Variants in KDR observed in about 807,000 individuals in gnomAD.
The protein encoded by KDR is vascular endothelial growth factor receptor 2.
In KDR, 43 loss-of-function variants were observed where a neutral mutation model predicts 160.9. That is an observed-to-expected ratio of 0.27 (90% CI 0.21 to 0.34). KDR has a LOEUF of 0.34. KDR is among the 10% of genes least tolerant of loss of function. KDR has a pLI of 1.00. For missense variants in KDR, 1,469 were observed against 1,666.4 expected (o/e 0.88, Z 2.06); for synonymous variants, 617 against 600.1 (o/e 1.03, Z -0.41).
At chr4:55,124,553 A>C (rs1197278961) in intron 1 of KDR, among the ~76,000 whole-genome samples, 1 of 152,184 alleles carries the variant, frequency 6.6e-6, no homozygotes, top group South Asian at 2.1e-4. Context: ...TACGCAGGAC[A>C]GTTGGCTGTT....
At chr4:55,102,251 G>A (rs535767165) in intron 14 of KDR, 111 bp downstream of exon 14, 26 of 1,365,108 alleles carry the variant, frequency 1.9e-5, no homozygotes, top group East Asian at 9.2e-5. Flanking sequence ...GCCAGGTCAT[G>A]GACACCAATA....
Position 55,089,803 on chromosome 4 carries a change from C to T in KDR, c.3193-1G>A, listed in dbSNP as rs779170295. Reference sequence around the variant, plus strand: ...CCATCCATTTCAAAGGGAGGCGAGCCTACAGGGGTAGAAGACAAGGATTCA... The same window carrying T: ...CCATCCATTTCAAAGGGAGGCGAGCTTACAGGGGTAGAAGACAAGGATTCA... On this transcript the variant is annotated splice_acceptor_variant, in intron 23 of 29. Transcript: ENST00000263923. LOFTEE classifies it high-confidence loss of function. 1 of 1,613,616 alleles carries T rather than the reference C, an allele frequency of 6.2e-7. No individual in the cohort carries two copies.
At chr4:55,110,900 C>A (rs1200833232) in intron 7 of KDR, 132 bp from the exon 8 acceptor site, 2 of 711,100 alleles carry the variant, frequency 2.8e-6, no homozygotes, top group Non-Finnish European at 4.8e-6. Flanking sequence ...CCTGTACTAT[C>A]TTTCAGTGGG....
At chr4:55,112,479 T>C (rs1218040359) in intron 7 of KDR, among the ~76,000 whole-genome samples, 1 of 151,890 alleles carries the variant, frequency 6.6e-6, no homozygotes, top group East Asian at 1.9e-4. Flanking sequence ...CAGTCAACAG[T>C]AGGCCATTAG....
intron 27 of KDR, among the ~76,000 whole-genome samples, chr4:55,083,555 C>G (rs1189758136): frequency 6.6e-6 from 1 of 152,120 alleles, no homozygotes; most frequent in African/African-American, 2.4e-5. Context: ...CTTGAGAATG[C>G]TCCTTCCCGG....
Position 55,124,324 on chromosome 4 carries a change from TGAGA to T in KDR, c.67+899_67+902del, listed in dbSNP as rs1432868669. On this transcript the variant is annotated intron_variant, in intron 1 of 29. Transcript: ENST00000263923. ...AGGAAAGAAATATTATCTAAGGGGT[TGAGA>T]GAGAAAGGAAAGTGAGGAAGAAAAG... Among the ~76,000 whole-genome samples the T allele has an allele frequency of 6.6e-5, 10 of 151,954 alleles. No individual in the cohort carries two copies. In the East Asian group the frequency reaches 7.8e-4, roughly 12 times the overall value.
intron 24 of KDR, 106 bp downstream of exon 24, chr4:55,089,585 G>A: frequency 7.5e-7 from 1 of 1,332,694 alleles, no homozygotes; most frequent in South Asian, 1.2e-5. Flanking sequence ...TTTTTTCAAA[G>A]CTTCCGAGAA....
In KDR at chr4:55,113,472, T is replaced by C. The variant is rs954623491; in HGVS notation, c.808A>G (p.Lys270Glu). ...TTTAGGTCTCGGTTTACAAGTTTCT[T>C]ATGCTGATGCTGAAAAAAAGAGTTG... ...WEYPSSKHQH[K>E]KLVNRDLKTQ... The change falls in exon 7 of 30, where the codon AAG becomes GAG. Residue 270 changes from lysine (K) to glutamate (E), a missense_variant. By Grantham distance (56) the Lys-to-Glu change is moderately conservative. This residue lies in a region of KDR where 792 missense variants were observed against 840.9 expected (regional missense o/e 0.94). Transcript: ENST00000263923. The C allele has an allele frequency of 1.9e-6, 3 of 1,613,870 alleles. No homozygotes were observed. The African/African-American group carries it at 4.0e-5, about 22-fold the overall frequency.
At chr4:55,108,883 T>C (rs1052467996) in intron 9 of KDR, among the ~76,000 whole-genome samples, 1 of 152,200 alleles carries the variant, frequency 6.6e-6, no homozygotes, top group African/African-American at 2.4e-5. Flanking sequence ...CTTTTTTATG[T>C]TTATTTCATA....
chr4:55,124,362 C>T (rs1470124986), intron 1 of KDR, among the ~76,000 whole-genome samples: 1 of 152,092 alleles, frequency 6.6e-6, no homozygotes, highest in African/African-American at 2.4e-5. Context: ...AGACAGACAG[C>T]TATTGCATGA....
intron 1 of KDR, 122 bp downstream of exon 1, chr4:55,125,105 T>C: frequency 1.1e-6 from 1 of 928,328 alleles, no homozygotes; most frequent in Non-Finnish European, 1.7e-6. Flanking sequence ...AAATGAAAGA[T>C]CGCAAAATGT....
chr4:55,121,567 T>C (rs532228726), intron 1 of KDR, among the ~76,000 whole-genome samples: 1 of 152,244 alleles, frequency 6.6e-6, no homozygotes, highest in Admixed American at 6.5e-5. Flanking sequence ...ACATAGGATG[T>C]ACACATTTGA....
Position 55,096,229 on chromosome 4 carries a change from C to T in KDR, c.2728G>A (p.Gly910Arg). 1.3e-6 allele frequency: 2 copies of T among 1,596,454 alleles called. No homozygotes were observed. Among genetic ancestry groups the T allele is most frequent in the Non-Finnish European group, 1.7e-6 (2 of 1,164,650 alleles). Residue 910 changes from glycine to arginine, a missense_variant and splice_region_variant, in exon 19 of 30, where the codon GGG becomes AGG. Transcript: ENST00000263923. The part of the protein sequence containing the change: ...NLLGACTKPG[G>R]PLMVIVEFCK... Reference sequence around the variant, plus strand: ...ACCAAAACCACCCACAGTTACTCACCTCCTGGCTTGGTACAGGCACCTAGA... The same window carrying T: ...ACCAAAACCACCCACAGTTACTCACTTCCTGGCTTGGTACAGGCACCTAGA...
chr4:55,108,041 AGACCTGAGTTCTAGTGATACT>A lies in KDR; in HGVS notation c.1256-169_1256-149del. On this transcript the variant is annotated intron_variant, in intron 9 of 29. Coordinates refer to ENST00000263923, the MANE Select transcript of KDR (RefSeq NM_002253.4). Reference sequence around the variant, plus strand: ...AAGAACACCTAGATGTGGAAACAAGAGACCTGAGTTCTAGTGATACTCATAAAAATAACAACTAGCCAGGCA... The same window carrying A: ...AAGAACACCTAGATGTGGAAACAAGACATAAAAATAACAACTAGCCAGGCA... The A allele has an allele frequency of 3.7e-6, 3 of 816,134 alleles. No individual in the cohort carries two copies. In the South Asian group the frequency reaches 4.6e-5, roughly 12 times the overall value. The allele number at this position is 816,134 out of a possible 1,614,324, so 50.6% of individuals were successfully genotyped here.
Position 55,125,370 on chromosome 4 carries a change from G to T in KDR, c.-77C>A. 6.6e-7 allele frequency: 1 copy of T among 1,514,946 alleles called. No individual in the cohort carries two copies. The allele number at this position is 1,514,946 out of a possible 1,614,324, so 93.8% of individuals were successfully genotyped here. On this transcript the variant is annotated 5_prime_UTR_variant, in exon 1 of 30. Transcript: ENST00000263923. ...TCCCAGCGCCTGTCTAGAGAAGGAG[G>T]CGCGGAGGTGGAACTCGCGGCACCC...
chr4:55,078,914 G>C lies in KDR; in HGVS notation c.*1027C>G, dbSNP rs1451279775. On this transcript the variant is annotated 3_prime_UTR_variant, in exon 30 of 30. Coordinates refer to ENST00000263923, the MANE Select transcript of KDR (RefSeq NM_002253.4). ...AGGCCAAATAACTAAAATACTGATG[G>C]GTTGCGGGGTGAGAGTGGGTTGGGG... 4.3e-6 allele frequency: 1 copy of C among 233,170 alleles called. No homozygotes were observed. The highest frequency in any genetic ancestry group is 8.5e-6 in the Non-Finnish European group (1 of 118,082). 14.4% of individuals were successfully genotyped at this position (233,170 alleles called of 1,614,324 possible).
chr4:55,122,060 C>T (rs1720894458), intron 1 of KDR, among the ~76,000 whole-genome samples: 1 of 152,046 alleles, frequency 6.6e-6, no homozygotes. Context: ...AAGTGCAATG[C>T]TAATGAATTA....
At chr4:55,080,317 C>A (rs1395257853) in intron 29 of KDR, among the ~76,000 whole-genome samples, 154 bp from the exon 30 acceptor site, 1 of 152,212 alleles carries the variant, frequency 6.6e-6, no homozygotes, top group South Asian at 2.1e-4. Context: ...AGCAGGTTTA[C>A]AGGGACAAGG....
Position 55,115,053 on chromosome 4 carries a change from A to G in KDR, c.490-11T>C, listed in dbSNP as rs1426977063. 6.2e-7 allele frequency: 1 copy of G among 1,608,014 alleles called. No homozygotes were observed. Among genetic ancestry groups the G allele is most frequent in the Non-Finnish European group, 8.5e-7 (1 of 1,174,782 alleles). ...CTTTTCTGGGTATCTCTGGGTAATA[A>G]AAAGACATATCAAATATTTAATCCA... is the stretch of plus-strand genomic sequence containing the variant. On this transcript the variant is annotated splice_polypyrimidine_tract_variant and intron_variant, in intron 4 of 29. Coordinates refer to ENST00000263923, the MANE Select transcript of KDR (RefSeq NM_002253.4).
Sources: gnomAD v4.1 joint callset for allele counts (sites outside exome capture counted in the v4.1 genomes callset) on GRCh38, gnomAD v4.1.1 for gene constraint, gnomAD v4.1.1 regional missense constraint, MANE v1.5 for transcripts, NCBI Gene and HGNC (gene_info 2026-07-23, HGNC 2026-07-21) for gene names.